Variants in PKHD1 observed in about 807,000 individuals in gnomAD.
The protein encoded by PKHD1 is fibrocystin.
In PKHD1, 291 loss-of-function variants were observed where a neutral mutation model predicts 412.0. The ratio of observed to expected loss-of-function variants is 0.71; its 90% CI spans 0.64 to 0.78. The LOEUF is 0.78. PKHD1 is among the 30% of genes least tolerant of loss of function. The pLI is 0.00. For missense variants in PKHD1, 4,825 were observed against 4,950.7 expected, an observed-to-expected ratio of 0.97 and a Z score of 0.76; for synonymous variants, 1,777 against 1,821.5, an observed-to-expected ratio of 0.98 and a Z score of 0.62.
intron 48 of PKHD1, among the ~76,000 whole-genome samples, chr6:51,866,875 T>C (rs1178512314): frequency 6.6e-6 from 1 of 152,140 alleles, no homozygotes; most frequent in Non-Finnish European, 1.5e-5. Context: ...ATATTATTAT[T>C]TTACTCACTG....
In PKHD1 at chr6:52,083,236, A is replaced by G; in HGVS notation, c.72T>C (p.His24=). The change falls in exon 3 of 67, where the codon CAT becomes CAC. Residue 24 remains histidine, a synonymous_variant. Coordinates refer to ENST00000371117, the MANE Select transcript of PKHD1 (RefSeq NM_138694.4). ...CAAGGCTACCTTCTTCAGGTTCAAT[A>G]TGTAAACTCAGGTGACGTACTGTAA... ...LLLAVRHLSL[H]IEPEEGSLAG... The G allele has an allele frequency of 6.2e-7, 1 of 1,609,454 alleles. No individual in the cohort carries two copies. Among genetic ancestry groups the G allele is most frequent in the Non-Finnish European group, 8.5e-7 (1 of 1,175,686 alleles).
chr6:51,668,253 G>C (rs1216665935), intron 60 of PKHD1, among the ~76,000 whole-genome samples: 1 of 152,012 alleles, frequency 6.6e-6, no homozygotes, highest in Non-Finnish European at 1.5e-5. Context: ...CCTTGAAGAG[G>C]TCCTTCACAT....
chr6:52,067,305 C>T (rs970285739), intron 11 of PKHD1, among the ~76,000 whole-genome samples: 6 of 152,178 alleles, frequency 3.9e-5, no homozygotes, highest in African/African-American at 1.2e-4. Context: ...ATCAGCTTTA[C>T]GTAGAGATTA....
intron 52 of PKHD1, among the ~76,000 whole-genome samples, chr6:51,808,519 C>G (rs1206202511): frequency 6.6e-6 from 1 of 151,978 alleles, no homozygotes; most frequent in East Asian, 1.9e-4. Context: ...CTCTCACACA[C>G]ACACACACAT....
intron 34 of PKHD1, among the ~76,000 whole-genome samples, chr6:52,014,789 CATGG>C (rs55884238): frequency 0.41 from 58,821 of 142,036 alleles, 13,750 homozygotes; most frequent in Admixed American, 0.55. Flanking sequence ...ATGGATGGAT[CATGG>C]ATGGATGGAT....
intron 35 of PKHD1, among the ~76,000 whole-genome samples, chr6:51,987,876 A>C (rs1175354329): frequency 6.6e-6 from 1 of 152,198 alleles, no homozygotes; most frequent in African/African-American, 2.4e-5. Flanking sequence ...CACAAATTCA[A>C]ATCCTAACTC....
intron 4 of PKHD1, among the ~76,000 whole-genome samples, chr6:52,080,838 A>C (rs1417688878): frequency 2.0e-5 from 3 of 152,186 alleles, no homozygotes; most frequent in South Asian, 2.1e-4. Context: ...AATATTTTAG[A>C]TATGTTGAGT....
intron 65 of PKHD1, among the ~76,000 whole-genome samples, chr6:51,630,761 T>C (rs1358592551): frequency 6.6e-6 from 1 of 152,156 alleles, no homozygotes; most frequent in Non-Finnish European, 1.5e-5. Flanking sequence ...TTAATAAATA[T>C]AAAATACAGA....
chr6:51,789,441 A>G (rs1484875071), intron 53 of PKHD1, among the ~76,000 whole-genome samples: 1 of 152,096 alleles, frequency 6.6e-6, no homozygotes, highest in Non-Finnish European at 1.5e-5. Context: ...CATATATTAT[A>G]TAATGTTGAA....
At chr6:51,802,551 C>T (rs889859982) in intron 52 of PKHD1, among the ~76,000 whole-genome samples, 6 of 151,470 alleles carry the variant, frequency 4.0e-5, no homozygotes, top group Non-Finnish European at 8.8e-5. Context: ...AAACTAAGCG[C>T]CAAACTTATT....
chr6:51,851,072 C>T (rs1772141061), intron 49 of PKHD1, among the ~76,000 whole-genome samples: 1 of 152,094 alleles, frequency 6.6e-6, no homozygotes, highest in African/African-American at 2.4e-5. Flanking sequence ...TATGTTCCAT[C>T]AATACCTAGC....
chr6:51,663,984 T>A (rs1412913424), intron 60 of PKHD1, among the ~76,000 whole-genome samples: 2 of 152,140 alleles, frequency 1.3e-5, no homozygotes, highest in East Asian at 3.9e-4. Context: ...TACACATGGG[T>A]GGAAAATAAG....
rs1411376928 is a variant in PKHD1 at position 52,022,790 on chromosome 6, T to C, written c.5380+11A>G. The C allele has an allele frequency of 6.2e-7, 1 of 1,613,618 alleles. No homozygotes were observed. The highest frequency in any genetic ancestry group is 1.7e-5 in the Admixed American group (1 of 60,010). On this transcript the variant is annotated intron_variant, in intron 33 of 66. Coordinates refer to ENST00000371117, the MANE Select transcript of PKHD1 (RefSeq NM_138694.4). ...TGCTTTAAAATATATGTGTGTGGCA[T>C]CTTTACTCACCATCCAGGGGCAGAA...
intron 53 of PKHD1, among the ~76,000 whole-genome samples, chr6:51,776,402 A>G (rs1791029139): frequency 6.6e-6 from 1 of 152,030 alleles, no homozygotes; most frequent in African/African-American, 2.4e-5. Flanking sequence ...GCAAACCTGA[A>G]TAGAATGCAC....
At chr6:51,836,729 C>T (rs533908374) in intron 50 of PKHD1, among the ~76,000 whole-genome samples, 16 of 152,242 alleles carry the variant, frequency 1.1e-4, no homozygotes, top group South Asian at 6.2e-4. Flanking sequence ...AAAACAGAAA[C>T]GAAACCTTTA....
intron 60 of PKHD1, among the ~76,000 whole-genome samples, chr6:51,677,815 C>G (rs1776082551): frequency 6.6e-6 from 1 of 152,018 alleles, no homozygotes; most frequent in South Asian, 2.1e-4. Context: ...CAGATCTATA[C>G]CCAATAGACC....
intron 35 of PKHD1, among the ~76,000 whole-genome samples, chr6:51,977,536 T>G (rs975749798): frequency 2.0e-5 from 3 of 152,208 alleles, no homozygotes; most frequent in African/African-American, 4.8e-5. Flanking sequence ...GCTTTTGATA[T>G]TGTCCCCTCA....
rs1342241635 is a variant in PKHD1, at chr6:51,659,048, A to C, written c.11078T>G (p.Val3693Gly). Residue 3693 changes from valine (V) to glycine (G), a missense_variant, in exon 61 of 67, where the codon GTC becomes GGC. By Grantham distance (109) the Val-to-Gly change is moderately radical. Transcript: ENST00000371117. The part of the protein sequence containing the change: ...SNKLQNLAHR[V>G]ITAQQTGVLE... ...TACCCCAGTCTGTTGAGCAGTGATG[A>C]CTCGATGAGCCAAATTCTGTAATTT... is the stretch of plus-strand genomic sequence containing the variant. 4 of 1,613,060 alleles carry C rather than the reference A, an allele frequency of 2.5e-6. No homozygotes were observed. Among genetic ancestry groups the C allele is most frequent in the Non-Finnish European group, 3.4e-6 (4 of 1,179,302 alleles).
intron 29 of PKHD1, among the ~76,000 whole-genome samples, chr6:52,032,466 A>G (rs964964287): frequency 6.6e-6 from 1 of 152,238 alleles, no homozygotes; most frequent in Non-Finnish European, 1.5e-5. Flanking sequence ...GAATGTCTCA[A>G]GAAACAAGAA....
Sources: gnomAD v4.1 joint callset for allele counts (sites outside exome capture counted in the v4.1 genomes callset) on GRCh38, gnomAD v4.1.1 for gene constraint, MANE v1.5 for transcripts, NCBI Gene and HGNC (gene_info 2026-07-23, HGNC 2026-07-21) for gene names.